DTNB: variants seen among roughly 807,000 people sequenced by gnomAD.
DTNB encodes dystrobrevin beta, also known as DTN-B.
A neutral mutation model predicts 90.7 loss-of-function variants in DTNB; 63 were observed. That is an observed-to-expected ratio of 0.69 (90% CI 0.57 to 0.86). The LOEUF is 0.86. Ranked by LOEUF, DTNB falls within the 40% of genes least tolerant of loss-of-function variation. The pLI, the probability that DTNB is intolerant of heterozygous loss-of-function variation, is 0.00. For missense variants in DTNB, 744 were observed against 807.1 expected, an observed-to-expected ratio of 0.92 and a Z score of 0.95; for synonymous variants, 277 against 286.7, an observed-to-expected ratio of 0.97 and a Z score of 0.34.
At chr2:25,491,609 T>C (rs1575067520) in intron 9 of DTNB, among the ~76,000 whole-genome samples, 1 of 152,234 alleles carries the variant, frequency 6.6e-6, no homozygotes, top group African/African-American at 2.4e-5. Context: ...GTGGATATAT[T>C]TGTAGCGTCT....
intron 16 of DTNB, among the ~76,000 whole-genome samples, chr2:25,404,930 AT>A (rs901379539): frequency 6.6e-6 from 1 of 151,812 alleles, no homozygotes; most frequent in African/African-American, 2.4e-5. Flanking sequence ...CACCATTATT[AT>A]TTTTTTTGTT....
intron 12 of DTNB, among the ~76,000 whole-genome samples, chr2:25,443,271 G>C (rs775189453): frequency 5.3e-5 from 8 of 152,172 alleles, no homozygotes; most frequent in Non-Finnish European, 1.2e-4. Flanking sequence ...AGGTGTTGAG[G>C]TCCCTTTAGT....
chr2:25,593,276 T>C (rs1489413520), intron 6 of DTNB, among the ~76,000 whole-genome samples: 1 of 152,212 alleles, frequency 6.6e-6, no homozygotes, highest in African/African-American at 2.4e-5. Flanking sequence ...GAAAAAACAA[T>C]GCAATTTCTA....
In DTNB at chr2:25,481,880, T is replaced by TA. The variant is rs1296540913; in HGVS notation, c.1079+915dup. On this transcript the variant is annotated intron_variant, in intron 10 of 20. Coordinates refer to ENST00000406818, the MANE Select transcript of DTNB (RefSeq NM_021907.5). ...GATTCTTCTCATCAGTCAGGTTTGA[T>TA]AAACACTGACGTAGGAGTTTTAGCC... 5 of 152,364 alleles carry TA rather than the reference T, an allele frequency of 3.3e-5. No individual in the cohort carries two copies. The East Asian group carries it at 9.6e-4, about 29-fold the overall frequency. The allele number at this position is 152,364 out of a possible 1,614,324, so 9.4% of individuals were successfully genotyped here.
chr2:25,616,630 T>TAAA (rs58950790), intron 4 of DTNB, among the ~76,000 whole-genome samples: 20,720 of 117,596 alleles, frequency 0.18, 2,651 homozygotes, highest in East Asian at 0.59. Context: ...CTATTTATAG[T>TAAA]AAAAAAAAAA....
At chr2:25,423,612 T>C (rs974100889) in intron 15 of DTNB, among the ~76,000 whole-genome samples, 2 of 152,178 alleles carry the variant, frequency 1.3e-5, no homozygotes, top group African/African-American at 4.8e-5. Context: ...AATTAAATGC[T>C]AGCATACTGA....
At position 25,486,356 on chromosome 2, in the gene DTNB, C is replaced by G. The variant is rs184554899; in HGVS notation, c.1002-3483G>C. ...GCGCATGCTCGCAGTCCCAGCTACT[C>G]AGGAGGCTGGGGTGGGAGGATCACC... On this transcript the variant is annotated intron_variant, in intron 9 of 20. Coordinates refer to ENST00000406818, the MANE Select transcript of DTNB (RefSeq NM_021907.5). 3.3e-5 allele frequency among the ~76,000 whole-genome samples: 5 copies of G among 152,146 alleles called. No individual in the cohort carries two copies. In the East Asian group the frequency reaches 9.7e-4, roughly 29 times the overall value.
intron 9 of DTNB, among the ~76,000 whole-genome samples, chr2:25,529,905 A>C (rs960890168): frequency 2.6e-5 from 4 of 152,236 alleles, no homozygotes; most frequent in Non-Finnish European, 5.9e-5. Context: ...CATAAAAATA[A>C]GGGCACAGAT....
rs1406073785 is a variant in DTNB at position 25,628,357 on chromosome 2, A to G, written c.176T>C (p.Ile59Thr). The G allele has an allele frequency of 3.1e-6, 5 of 1,613,416 alleles. No individual in the cohort carries two copies. The highest frequency in any genetic ancestry group is 4.2e-6 in the Non-Finnish European group (5 of 1,179,768). Residue 59 changes from isoleucine to threonine, a missense_variant, in exon 4 of 21, where the codon ATT (isoleucine) becomes ACT (threonine). Transcript: ENST00000406818. Reference sequence around the variant, plus strand: ...AAGGCCATTGTCTCGGAAGGCTTCAATCATGTTCCAGATATCAACAAGATG... The same window carrying G: ...AAGGCCATTGTCTCGGAAGGCTTCAGTCATGTTCCAGATATCAACAAGATG... ...NLHLVDIWNM[I>T]EAFRDNGLNT...
intron 12 of DTNB, among the ~76,000 whole-genome samples, chr2:25,445,872 T>C (rs1461017211): frequency 1.3e-5 from 2 of 151,896 alleles, no homozygotes; most frequent in Non-Finnish European, 2.9e-5. Context: ...GACAGGACAG[T>C]ATCCCTGTCC....
intron 2 of DTNB, among the ~76,000 whole-genome samples, chr2:25,643,906 T>C (rs535403746): frequency 6.6e-6 from 1 of 152,182 alleles, no homozygotes; most frequent in Admixed American, 6.5e-5. Flanking sequence ...CATAAAGACC[T>C]TGCTGATAAA....
At chr2:25,452,571 G>A (rs1025517822) in intron 11 of DTNB, among the ~76,000 whole-genome samples, 1 of 152,120 alleles carries the variant, frequency 6.6e-6, no homozygotes, top group African/African-American at 2.4e-5. Flanking sequence ...AAAAACCCTT[G>A]ATCAGAGTTT....
chr2:25,612,040 A>T (rs541234503), intron 4 of DTNB, among the ~76,000 whole-genome samples: 1 of 152,338 alleles, frequency 6.6e-6, no homozygotes, highest in East Asian at 1.9e-4. Flanking sequence ...AAACTGTTCC[A>T]TTCTTTTCAC....
intron 1 of DTNB, among the ~76,000 whole-genome samples, chr2:25,658,240 G>A (rs1574133344): frequency 2.0e-5 from 3 of 148,090 alleles, no homozygotes; most frequent in Admixed American, 1.4e-4. Flanking sequence ...CTGGGCAACA[G>A]AGTGAGACTC....
chr2:25,543,454 G>A lies in DTNB; in HGVS notation c.877-11857C>T, dbSNP rs369288349. ...CGAGTAACTGGGATTAGAGGTGCGC[G>A]CCACCACGCCCAGCTAATTTTTGTA... On this transcript the variant is annotated intron_variant, in intron 8 of 20. Transcript: ENST00000406818. Among the ~76,000 whole-genome samples, 111 of 152,010 alleles carry A rather than the reference G, an allele frequency of 7.3e-4. 2 individuals carry two copies. The South Asian group carries it at 0.021, about 29-fold the overall frequency.
intron 6 of DTNB, among the ~76,000 whole-genome samples, chr2:25,589,019 T>C (rs187204079): frequency 1.3e-5 from 2 of 152,320 alleles, no homozygotes; most frequent in East Asian, 3.9e-4. Context: ...CTCTATTCAA[T>C]GTCCAGGAAA....
At chr2:25,477,597 A>T (rs957855897) in intron 10 of DTNB, among the ~76,000 whole-genome samples, 3 of 152,196 alleles carry the variant, frequency 2.0e-5, no homozygotes, top group Non-Finnish European at 4.4e-5. Context: ...ATCATCAACA[A>T]CTGAACAAAA....
At chr2:25,503,851 A>G (rs2071504322) in intron 9 of DTNB, among the ~76,000 whole-genome samples, 2 of 151,872 alleles carry the variant, frequency 1.3e-5, no homozygotes, top group South Asian at 4.2e-4. Flanking sequence ...CTGGAGGTGG[A>G]GCTTGCAGTG....
At chr2:25,396,731 TAAAAAAAAA>T (rs35592591) in intron 16 of DTNB, among the ~76,000 whole-genome samples, 1 of 87,630 alleles carries the variant, frequency 1.1e-5, no homozygotes, top group African/African-American at 4.3e-5. Context: ...TAAAAGGAAC[TAAAAAAAAA>T]AAAAAAAAAA....
Sources: allele counts gnomAD v4.1 joint callset (sites outside exome capture counted in the v4.1 genomes callset), GRCh38; gene constraint gnomAD v4.1.1; transcripts MANE v1.5; gene names NCBI Gene and HGNC (gene_info 2026-07-23, HGNC 2026-07-21).